The following TAOK1 variants were observed in gnomAD, a reference collection of about 807,000 sequenced individuals.
The protein encoded by TAOK1 is TAO kinase 1, also known as serine/threonine-protein kinase TAO1.
Under a neutral mutation model 138.3 loss-of-function variants are expected in TAOK1, and 21 were observed. The ratio of observed to expected loss-of-function variants is 0.15; its 90% CI spans 0.11 to 0.22. The LOEUF (loss-of-function observed/expected upper bound fraction) is 0.22, where lower values mean the gene tolerates loss of function less well. TAOK1 is among the 10% of genes least tolerant of loss of function. The pLI is 1.00. For synonymous variants in TAOK1, 361 were observed against 398.4 expected (o/e 0.91, Z 1.12); for missense variants, 651 against 1,227.7 (o/e 0.53, Z 7.02).
chr17:29,398,874 A>G (rs1014177449), intron 1 of TAOK1, among the ~76,000 whole-genome samples: 5 of 152,068 alleles, frequency 3.3e-5, no homozygotes, highest in African/African-American at 1.2e-4. Context: ...TAAATAGGAT[A>G]ATGCTTGCTA....
At chr17:29,471,371 C>G (rs1878101586) in intron 3 of TAOK1, among the ~76,000 whole-genome samples, 1 of 145,244 alleles carries the variant, frequency 6.9e-6, no homozygotes, top group African/African-American at 2.6e-5. Flanking sequence ...CCTTCGCCTC[C>G]CGGGTTCAAG....
At chr17:29,454,493 G>A (rs1166889172) in intron 2 of TAOK1, among the ~76,000 whole-genome samples, 1 of 151,750 alleles carries the variant, frequency 6.6e-6, no homozygotes, top group Non-Finnish European at 1.5e-5. Flanking sequence ...AAAAGACTTA[G>A]AATTTTGATA....
At chr17:29,461,593 G>T (rs2030533161) in intron 2 of TAOK1, among the ~76,000 whole-genome samples, 1 of 152,154 alleles carries the variant, frequency 6.6e-6, no homozygotes, top group Non-Finnish European at 1.5e-5. Flanking sequence ...AACATAGATT[G>T]TATGCGGCCC....
intron 13 of TAOK1, among the ~76,000 whole-genome samples, chr17:29,505,225 C>T (rs2031608565): frequency 6.6e-6 from 1 of 152,122 alleles, no homozygotes; most frequent in African/African-American, 2.4e-5. Context: ...CGTCTCCTGC[C>T]TTGGATTTTT....
intron 1 of TAOK1, among the ~76,000 whole-genome samples, chr17:29,415,277 C>G (rs1214954832): frequency 6.6e-6 from 1 of 152,130 alleles, no homozygotes; most frequent in African/African-American, 2.4e-5. Context: ...CTGTTTTATA[C>G]TTTTTGGCTA....
At chr17:29,472,819 G>C (rs932673342) in intron 3 of TAOK1, among the ~76,000 whole-genome samples, 1 of 146,508 alleles carries the variant, frequency 6.8e-6, no homozygotes, top group East Asian at 2.1e-4. Context: ...CAGGTGATCC[G>C]CCCGCCTCGG....
chr17:29,471,759 A>T (rs1360312348), intron 3 of TAOK1, among the ~76,000 whole-genome samples: 1 of 152,174 alleles, frequency 6.6e-6, no homozygotes, highest in Non-Finnish European at 1.5e-5. Context: ...AAGTTTGCCC[A>T]TCAGTTTTCT....
chr17:29,532,515 TGGGTACTTGAGATTA>T (rs1034291479), intron 18 of TAOK1, among the ~76,000 whole-genome samples: 4 of 152,164 alleles, frequency 2.6e-5, no homozygotes, highest in Non-Finnish European at 4.4e-5. Context: ...TTTGTGTCCC[TGGGTACTTGAGATTA>T]GGGAGTGGTG....
Position 29,550,367 on chromosome 17 carries a change from G to A in TAOK1, c.*7345G>A, listed in dbSNP as rs1187953957. 4 of 152,060 alleles carry A rather than the reference G, an allele frequency of 2.6e-5. No individual in the cohort carries two copies. The highest frequency in any genetic ancestry group is 5.9e-5 in the Non-Finnish European group (4 of 67,996). 9.4% of individuals were successfully genotyped at this position (152,060 alleles called of 1,614,324 possible). ...TTTAGAGTTTTTTTAATTAACACTT[G>A]TGTTGCTAAATTCTATTTATGTAAG... On this transcript the variant is annotated 3_prime_UTR_variant, in exon 20 of 20. Coordinates refer to ENST00000261716, the MANE Select transcript of TAOK1 (RefSeq NM_020791.4).
intron 1 of TAOK1, among the ~76,000 whole-genome samples, chr17:29,419,101 C>G (rs550387992): frequency 1.3e-5 from 2 of 151,878 alleles, no homozygotes; most frequent in African/African-American, 4.8e-5. Context: ...TTCATTTATT[C>G]GGGTCTTTTT....
chr17:29,453,515 T>C (rs1253918537), intron 2 of TAOK1, among the ~76,000 whole-genome samples: 2 of 151,928 alleles, frequency 1.3e-5, no homozygotes, highest in Non-Finnish European at 2.9e-5. Flanking sequence ...CCTCCTGAAG[T>C]GTTGGGATTA....
chr17:29,467,366 C>G (rs2030695577), intron 3 of TAOK1, 150 bp downstream of exon 3: 1 of 337,012 alleles, frequency 3.0e-6, no homozygotes, highest in South Asian at 6.9e-5. Context: ...CTCCGCCTCC[C>G]AAGTTCACGC....
At chr17:29,476,536 A>G (rs1016948213) in intron 4 of TAOK1, among the ~76,000 whole-genome samples, 10 of 152,204 alleles carry the variant, frequency 6.6e-5, no homozygotes, top group African/African-American at 2.4e-4. Flanking sequence ...ATTGGTTACT[A>G]TATAAAAAAT....
intron 3 of TAOK1, among the ~76,000 whole-genome samples, chr17:29,469,367 C>T (rs1385591325): frequency 6.6e-6 from 1 of 152,134 alleles, no homozygotes; most frequent in Non-Finnish European, 1.5e-5. Context: ...TTCAATTCCA[C>T]ATTTCAGTGG....
intron 1 of TAOK1, among the ~76,000 whole-genome samples, chr17:29,422,764 G>A (rs1282424390): frequency 2.6e-5 from 4 of 152,172 alleles, no homozygotes; most frequent in Non-Finnish European, 5.9e-5. Flanking sequence ...GCTACTGCAC[G>A]CCTATAATCC....
intron 3 of TAOK1, among the ~76,000 whole-genome samples, chr17:29,474,138 A>T (rs1287083265): frequency 6.6e-6 from 1 of 152,096 alleles, no homozygotes; most frequent in Admixed American, 6.6e-5. Context: ...CACCTCTCTC[A>T]GCCTTTGTAG....
intron 1 of TAOK1, among the ~76,000 whole-genome samples, chr17:29,423,665 TTTC>T (rs1905532951): frequency 6.6e-6 from 1 of 152,174 alleles, no homozygotes; most frequent in Non-Finnish European, 1.5e-5. Flanking sequence ...ATTTAGGAAT[TTTC>T]TTGATATTTT....
intron 3 of TAOK1, among the ~76,000 whole-genome samples, chr17:29,471,089 C>T (rs1435504433): frequency 6.6e-6 from 1 of 151,398 alleles, no homozygotes; most frequent in Non-Finnish European, 1.5e-5. Context: ...ACCCAGGAGG[C>T]GAAGGCTGCA....
At chr17:29,515,115 A>C (rs1463511818) in intron 15 of TAOK1, 16 of 152,122 alleles carry the variant, frequency 1.1e-4, no homozygotes. Flanking sequence ...CTGGTATGTA[A>C]AACAATGTGG....
Sources: gnomAD v4.1 joint callset for allele counts (sites outside exome capture counted in the v4.1 genomes callset) on GRCh38, gnomAD v4.1.1 for gene constraint, MANE v1.5 for transcripts, NCBI Gene and HGNC (gene_info 2026-07-23, HGNC 2026-07-21) for gene names.